ARSB: variants seen among roughly 807,000 people sequenced by gnomAD.
ARSB encodes the protein N-acetylgalactosamine-4-sulfatase.
ARSB carries 41 observed loss-of-function variants against 50.9 expected under a neutral mutation model. That is an observed-to-expected ratio of 0.81 (90% CI 0.63 to 1.04). The LOEUF is 1.04. Among genes scored for constraint, ARSB ranks in the 50% least tolerant of loss-of-function variants. The pLI is 0.00. For missense variants in ARSB, 672 were observed against 693.3 expected (o/e 0.97, Z 0.35); for synonymous variants, 269 against 284.8 (o/e 0.94, Z 0.56).
intron 2 of ARSB, among the ~76,000 whole-genome samples, chr5:78,966,360 G>C (rs1026392744): frequency 2.0e-5 from 3 of 151,734 alleles, no homozygotes; most frequent in African/African-American, 7.2e-5. Context: ...GCTTTTGGGG[G>C]AAAAAAATAG....
chr5:78,961,655 G>C (rs1258638833), intron 3 of ARSB, among the ~76,000 whole-genome samples: 3 of 152,072 alleles, frequency 2.0e-5, no homozygotes, highest in Non-Finnish European at 4.4e-5. Flanking sequence ...ACCCTGTGAG[G>C]GAATATTCCA....
rs72762975 is a variant in ARSB, at chr5:78,890,538, G to A, written c.899-4711C>T. On this transcript the variant is annotated intron_variant, in intron 4 of 7. Coordinates refer to ENST00000264914, the MANE Select transcript of ARSB (RefSeq NM_000046.5). Reference sequence around the variant, plus strand: ...TTCTGCAGCCCATTGCTTTAGGTCAGGCACTCCTCTGTCTGGGCTCCTGGG... The same window carrying A: ...TTCTGCAGCCCATTGCTTTAGGTCAAGCACTCCTCTGTCTGGGCTCCTGGG... Among the ~76,000 whole-genome samples the A allele has an allele frequency of 2.5e-3, 381 of 152,240 alleles. 1 individual carries two copies. The highest frequency in any genetic ancestry group is 4.3e-3 in the Non-Finnish European group (291 of 68,008).
intron 6 of ARSB, among the ~76,000 whole-genome samples, chr5:78,808,105 A>C (rs1307168052): frequency 1.3e-5 from 2 of 150,552 alleles, no homozygotes; most frequent in Non-Finnish European, 3.0e-5. Flanking sequence ...AAAAAAAAAA[A>C]AAAAAAAAAA....
chr5:78,792,358 G>A (rs1239836598), intron 6 of ARSB, among the ~76,000 whole-genome samples: 4 of 148,990 alleles, frequency 2.7e-5, no homozygotes, highest in East Asian at 2.0e-4. Flanking sequence ...CAGCCTGGAC[G>A]ACAGAGTGAG....
intron 6 of ARSB, among the ~76,000 whole-genome samples, chr5:78,829,493 T>C (rs1337311352): frequency 6.6e-6 from 1 of 152,224 alleles, no homozygotes; most frequent in East Asian, 1.9e-4. Context: ...TTTATAACTG[T>C]GTTAATATCC....
chr5:78,871,553 C>T (rs1171350972), intron 5 of ARSB, among the ~76,000 whole-genome samples: 2 of 149,560 alleles, frequency 1.3e-5, no homozygotes, highest in East Asian at 3.9e-4. Context: ...CTGAGAAAAA[C>T]AAGCTATGGG....
intron 1 of ARSB, among the ~76,000 whole-genome samples, chr5:78,972,567 A>G (rs1197896783): frequency 6.7e-6 from 1 of 150,026 alleles, no homozygotes; most frequent in Non-Finnish European, 1.5e-5. Flanking sequence ...TATTCTTTCC[A>G]TGGTTAACTC....
rs866002366 is a variant in ARSB, at chr5:78,869,115, A to C, written c.1142+16469T>G. 9.8e-4 allele frequency among the ~76,000 whole-genome samples: 144 copies of C among 147,384 alleles called. 2 individuals are homozygous for C. In the Middle Eastern group the frequency reaches 0.024, roughly 25 times the overall value. Reference sequence around the variant, plus strand: ...ATCAATTCAACAAGAAGAGCTAACTATCCTAAATATATATGCACCCAATAC... The same window carrying C: ...ATCAATTCAACAAGAAGAGCTAACTCTCCTAAATATATATGCACCCAATAC... On this transcript the variant is annotated intron_variant, in intron 5 of 7. Transcript: ENST00000264914.
At chr5:78,954,326 C>A (rs1751617647) in intron 4 of ARSB, among the ~76,000 whole-genome samples, 1 of 152,152 alleles carries the variant, frequency 6.6e-6, no homozygotes, top group Non-Finnish European at 1.5e-5. Context: ...AAGCACATCA[C>A]AGTGAAATTT....
chr5:78,886,170 A>C (rs1748024159), intron 4 of ARSB, among the ~76,000 whole-genome samples: 1 of 152,184 alleles, frequency 6.6e-6, no homozygotes, highest in Non-Finnish European at 1.5e-5. Flanking sequence ...GCATGGGAGA[A>C]TGAGTCCATG....
At chr5:78,929,334 G>C (rs1206481561) in intron 4 of ARSB, among the ~76,000 whole-genome samples, 1 of 152,088 alleles carries the variant, frequency 6.6e-6, no homozygotes, top group Non-Finnish European at 1.5e-5. Flanking sequence ...AGAGGGCAAG[G>C]AATCAACACA....
chr5:78,837,058 C>T (rs563934339), intron 6 of ARSB, among the ~76,000 whole-genome samples: 3 of 152,306 alleles, frequency 2.0e-5, no homozygotes, highest in Middle Eastern at 3.4e-3. Flanking sequence ...GCCCCTCCTC[C>T]AGCATGGGGG....
At chr5:78,977,154 T>TC (rs147027588) in intron 1 of ARSB, among the ~76,000 whole-genome samples, 27,645 of 143,936 alleles carry the variant, frequency 0.19, 3,093 homozygotes, top group East Asian at 0.31. Flanking sequence ...TTTCTTTCTT[T>TC]CCCCACTTCC....
intron 6 of ARSB, among the ~76,000 whole-genome samples, chr5:78,831,815 G>A (rs988438540): frequency 6.6e-6 from 1 of 152,100 alleles, no homozygotes; most frequent in African/African-American, 2.4e-5. Context: ...CCTAACTCTT[G>A]ATTCTGCTTA....
At chr5:78,879,114 A>G (rs929445654) in intron 5 of ARSB, among the ~76,000 whole-genome samples, 1 of 152,208 alleles carries the variant, frequency 6.6e-6, no homozygotes, top group African/African-American at 2.4e-5. Flanking sequence ...TCGGCCTCCC[A>G]TAGTGCTGGG....
intron 6 of ARSB, chr5:78,816,968 G>T: frequency 3.6e-6 from 2 of 552,206 alleles, no homozygotes; most frequent in Non-Finnish European, 4.6e-6. Context: ...AGCCTGCCCA[G>T]CCTTCAGACC....
intron 4 of ARSB, among the ~76,000 whole-genome samples, chr5:78,890,692 T>C (rs1334399880): frequency 1.3e-5 from 2 of 152,188 alleles, no homozygotes; most frequent in Admixed American, 6.5e-5. Context: ...CAGGCCCACA[T>C]ATAGAATCCT....
intron 4 of ARSB, among the ~76,000 whole-genome samples, chr5:78,915,657 C>T (rs576934383): frequency 6.6e-6 from 1 of 152,212 alleles, no homozygotes; most frequent in South Asian, 2.1e-4. Flanking sequence ...ACACTTAGGA[C>T]CAGAAGTGTT....
In ARSB at chr5:78,783,777, T is replaced by C. The variant is rs146573718; in HGVS notation, c.1214-1803A>G. Reference sequence around the variant, plus strand: ...AAAGGAAATTTAACTATCTCATCTATACTTATATTTATACACATTTTTTTC... The same window carrying C: ...AAAGGAAATTTAACTATCTCATCTACACTTATATTTATACACATTTTTTTC... On this transcript the variant is annotated intron_variant, in intron 6 of 7. Coordinates refer to ENST00000264914, the MANE Select transcript of ARSB (RefSeq NM_000046.5). Among the ~76,000 whole-genome samples the C allele has an allele frequency of 7.2e-5, 11 of 152,296 alleles. No homozygotes were observed. In the East Asian group the frequency reaches 1.3e-3, roughly 19 times the overall value.
Sources: allele counts gnomAD v4.1 joint callset (sites outside exome capture counted in the v4.1 genomes callset), GRCh38; gene constraint gnomAD v4.1.1; transcripts MANE v1.5; gene names NCBI Gene and HGNC (gene_info 2026-07-23, HGNC 2026-07-21).